Variants in TENM2 observed in about 807,000 individuals in gnomAD.
The protein encoded by TENM2 is teneurin-2.
Under a neutral mutation model 245.2 loss-of-function variants are expected in TENM2, and 52 were observed. That is an observed-to-expected ratio of 0.21 (90% CI 0.17 to 0.27). The LOEUF (loss-of-function observed/expected upper bound fraction) is 0.27, where lower values mean the gene tolerates loss of function less well. TENM2 is among the 10% of genes least tolerant of loss of function. TENM2 has a pLI of 1.00. For missense variants in TENM2, 3,046 were observed against 3,666.8 expected (o/e 0.83, Z 4.37); for synonymous variants, 1,363 against 1,438.9 (o/e 0.95, Z 1.19).
the TENM2 span, among the ~76,000 whole-genome samples, chr5:167,198,853 A>T: frequency 6.6e-6 from 1 of 151,972 alleles, no homozygotes; most frequent in East Asian, 1.9e-4. Context: ...CAACAGCGGC[A>T]GGAGAAAGGG....
the TENM2 span, among the ~76,000 whole-genome samples, chr5:167,078,177 A>G: frequency 6.6e-6 from 1 of 152,106 alleles, no homozygotes; most frequent in Non-Finnish European, 1.5e-5. Context: ...TCAATAGAAC[A>G]TGGGTTACAA....
chr5:167,735,335 GACTA>G (rs1206388620), intron 2 of TENM2, among the ~76,000 whole-genome samples: 2 of 152,162 alleles, frequency 1.3e-5, no homozygotes, highest in Non-Finnish European at 2.9e-5. Context: ...GCTTGGTAAA[GACTA>G]ACTAAAATGT....
At chr5:168,082,840 G>A (rs1446325431) in intron 7 of TENM2, among the ~76,000 whole-genome samples, 1 of 152,166 alleles carries the variant, frequency 6.6e-6, no homozygotes, top group Non-Finnish European at 1.5e-5. Flanking sequence ...GCATCTGGCT[G>A]TATGAGGTGT....
intron 4 of TENM2, among the ~76,000 whole-genome samples, chr5:167,957,476 A>G (rs1230965937): frequency 6.6e-6 from 1 of 152,116 alleles, no homozygotes; most frequent in African/African-American, 2.4e-5. Flanking sequence ...TATCTCCTTC[A>G]GTTCTGCTCT....
At chr5:167,183,544 T>A in the TENM2 span, among the ~76,000 whole-genome samples, 1 of 152,210 alleles carries the variant, frequency 6.6e-6, no homozygotes, top group Non-Finnish European at 1.5e-5. Flanking sequence ...TAAACATTTG[T>A]TGAATAAATG....
intron 2 of TENM2, among the ~76,000 whole-genome samples, chr5:167,489,471 A>G (rs1385447717): frequency 2.0e-5 from 3 of 152,188 alleles, no homozygotes; most frequent in African/African-American, 7.2e-5. Context: ...CCTCTGCTCA[A>G]GAATCACTTT....
the TENM2 span, among the ~76,000 whole-genome samples, chr5:167,123,404 T>C: frequency 2.0e-5 from 3 of 152,328 alleles, no homozygotes; most frequent in South Asian, 4.1e-4. Context: ...GTCTTTTTGG[T>C]TTGAGTCTTT....
the TENM2 span, among the ~76,000 whole-genome samples, chr5:167,217,118 C>A: frequency 2.0e-5 from 3 of 152,034 alleles, no homozygotes; most frequent in Non-Finnish European, 4.4e-5. Context: ...AAACTACTGA[C>A]CTTCAAGTGG....
chr5:168,047,473 G>A (rs1008620233), exon 6 of TENM2: 1 of 1,551,680 alleles, frequency 6.4e-7, no homozygotes, highest in South Asian at 1.2e-5. Flanking sequence ...CTGCAGATGG[G>A]CACACCTTTA....
intron 3 of TENM2, among the ~76,000 whole-genome samples, chr5:167,882,400 T>A (rs6875123): frequency 0.022 from 3,315 of 152,260 alleles, 114 homozygotes; most frequent in African/African-American, 0.074. Flanking sequence ...AAAGTGAAAG[T>A]TGGAAAACTT....
At chr5:167,570,283 G>A (rs1290748637) in intron 2 of TENM2, among the ~76,000 whole-genome samples, 1 of 151,856 alleles carries the variant, frequency 6.6e-6, no homozygotes, top group East Asian at 1.9e-4. Flanking sequence ...TGATGTGCAA[G>A]CCGATACATA....
the TENM2 span, among the ~76,000 whole-genome samples, chr5:167,162,182 A>C: frequency 6.6e-6 from 1 of 152,010 alleles, no homozygotes; most frequent in East Asian, 1.9e-4. Context: ...AAAAAAAAAA[A>C]AAACCAAAGA....
chr5:167,310,806 A>C (rs1755988879), intron 1 of TENM2, among the ~76,000 whole-genome samples: 1 of 152,170 alleles, frequency 6.6e-6, no homozygotes, highest in African/African-American at 2.4e-5. Flanking sequence ...AATGTGTGAA[A>C]ATGAATCAGA....
At chr5:167,445,328 T>TAGAG (rs1324065066) in intron 2 of TENM2, among the ~76,000 whole-genome samples, 42 of 33,136 alleles carry the variant, frequency 1.3e-3, no homozygotes, top group Admixed American at 3.3e-3. Flanking sequence ...TATATATATA[T>TAGAG]ATATATATAG....
the TENM2 span, among the ~76,000 whole-genome samples, chr5:167,032,742 A>C: frequency 1.3e-5 from 2 of 152,168 alleles, no homozygotes; most frequent in African/African-American, 2.4e-5. Context: ...ACTACATTGA[A>C]AATGTGGTTA....
At chr5:167,100,555 G>A in the TENM2 span, among the ~76,000 whole-genome samples, 1 of 152,042 alleles carries the variant, frequency 6.6e-6, no homozygotes, top group Non-Finnish European at 1.5e-5. Flanking sequence ...TTTGATAAAC[G>A]GATTGAAGAC....
intron 2 of TENM2, among the ~76,000 whole-genome samples, chr5:167,381,429 T>C (rs761784494): frequency 1.1e-4 from 17 of 152,208 alleles, no homozygotes; most frequent in Non-Finnish European, 2.1e-4. Context: ...TGCATGTTAG[T>C]CTACAGGCTG....
chr5:167,462,933 C>A (rs1319712623), intron 2 of TENM2, among the ~76,000 whole-genome samples: 1 of 151,886 alleles, frequency 6.6e-6, no homozygotes, highest in Non-Finnish European at 1.5e-5. Context: ...TTCTATAGGG[C>A]ACTGAAGTAA....
At chr5:168,073,171 C>T (rs372766621) in intron 7 of TENM2, among the ~76,000 whole-genome samples, 4 of 152,170 alleles carry the variant, frequency 2.6e-5, no homozygotes, top group Admixed American at 6.5e-5. Flanking sequence ...GAGCCACTAC[C>T]GTATGTCATT....
Sources: allele counts gnomAD v4.1 joint callset (sites outside exome capture counted in the v4.1 genomes callset), GRCh38; gene constraint gnomAD v4.1.1; transcripts MANE v1.5; gene names NCBI Gene and HGNC (gene_info 2026-07-23, HGNC 2026-07-21).